The following SRRM4 variants were observed in gnomAD, a reference collection of about 807,000 sequenced individuals.
SRRM4 encodes serine/arginine repetitive matrix 4, also known as serine/arginine repetitive matrix protein 4.
SRRM4 carries 33 observed loss-of-function variants against 68.9 expected under a neutral mutation model. The observed-to-expected ratio is 0.48, with a 90% CI of 0.36 to 0.64. The LOEUF is 0.64. Ranked by LOEUF, SRRM4 falls within the 30% of genes least tolerant of loss-of-function variation. The pLI, the probability that SRRM4 is intolerant of heterozygous loss-of-function variation, is 0.00. For missense variants in SRRM4, 817 were observed against 827.1 expected (o/e 0.99, Z 0.15); for synonymous variants, 318 against 318.8 (o/e 1.00, Z 0.03).
intron 1 of SRRM4, among the ~76,000 whole-genome samples, chr12:119,067,695 G>A (rs867527169): frequency 1.4e-4 from 22 of 151,900 alleles, no homozygotes; most frequent in Non-Finnish European, 2.5e-4. Context: ...GTGACATAAC[G>A]AGATTTCATT....
At chr12:119,105,882 A>ATGAAGTCCTTGCCCATGCCTATGTCC (rs1954105024) in intron 2 of SRRM4, among the ~76,000 whole-genome samples, 1 of 152,196 alleles carries the variant, frequency 6.6e-6, no homozygotes, top group Non-Finnish European at 1.5e-5. Context: ...TGTTTTAGTC[A>ATGAAGTCCTTGCCCATGCCTATGTCC]TGAAGTCCTT....
At chr12:119,099,492 C>T (rs1954065797) in intron 1 of SRRM4, among the ~76,000 whole-genome samples, 1 of 152,212 alleles carries the variant, frequency 6.6e-6, no homozygotes, top group Admixed American at 6.5e-5. Flanking sequence ...GCCTAGGGCA[C>T]ACTTCTCACT....
At chr12:119,075,178 A>G (rs1953900437) in intron 1 of SRRM4, among the ~76,000 whole-genome samples, 1 of 152,228 alleles carries the variant, frequency 6.6e-6, no homozygotes, top group African/African-American at 2.4e-5. Context: ...ACTTTGAATG[A>G]GGTTCATCAT....
At position 119,154,301 on chromosome 12, in the gene SRRM4, C is replaced by T; in HGVS notation, c.1450C>T (p.Arg484Cys). ...DSQQRERERA[R>C]RRRRSYSPMR... ...GCAGCAGCGGGAGCGCGAGCGAGCG[C>T]GTCGGAGACGTCGGTCCTACTCGCC... Residue 484 changes from arginine (R) to cysteine (C), a missense_variant, in exon 12 of 13, where the codon CGT becomes TGT. Physicochemically the swap from Arg to Cys is radical, Grantham distance 180. Coordinates refer to ENST00000267260, the MANE Select transcript of SRRM4 (RefSeq NM_194286.4). The surrounding 1 kb of genome is among the most constrained non-coding windows in gnomAD (Gnocchi z 4.7). 1.2e-6 allele frequency: 2 copies of T among 1,611,810 alleles called. No homozygotes were observed. The highest frequency in any genetic ancestry group is 1.7e-6 in the Non-Finnish European group (2 of 1,179,168).
chr12:119,027,784 A>C (rs1953558740), intron 1 of SRRM4, among the ~76,000 whole-genome samples: 1 of 152,240 alleles, frequency 6.6e-6, no homozygotes, highest in South Asian at 2.1e-4. Context: ...GTATGTAGAC[A>C]CATAAAGGAT....
chr12:119,143,733 A>G (rs1954382215), intron 8 of SRRM4, among the ~76,000 whole-genome samples: 1 of 152,214 alleles, frequency 6.6e-6, no homozygotes, highest in East Asian at 1.9e-4. Context: ...CCTGCAGGAG[A>G]ATGGATCCAT....
chr12:119,123,815 C>A (rs561349391), intron 6 of SRRM4, among the ~76,000 whole-genome samples: 1 of 152,168 alleles, frequency 6.6e-6, no homozygotes, highest in East Asian at 1.9e-4. Flanking sequence ...ACTGGCCTTG[C>A]GCTGGGCCCA....
chr12:119,154,146 G>A lies in SRRM4; in HGVS notation c.1392-97G>A. On this transcript the variant is annotated intron_variant, in intron 11 of 12. Coordinates refer to ENST00000267260, the MANE Select transcript of SRRM4 (RefSeq NM_194286.4). This position sits in a 1 kb window ranked among gnomAD's most constrained non-coding sequence, Gnocchi z 4.7. ...CGTGCAGACCCCATCCCGTGACCCAGTGGGGTGGGAAAGAAAGGGAGTGTC... is the reference window on the plus strand; with the variant it reads ...CGTGCAGACCCCATCCCGTGACCCAATGGGGTGGGAAAGAAAGGGAGTGTC... 1.7e-6 allele frequency: 2 copies of A among 1,170,574 alleles called. No individual in the cohort carries two copies. Among genetic ancestry groups the A allele is most frequent in the Non-Finnish European group, 2.4e-6 (2 of 817,678 alleles). The allele number at this position is 1,170,574 out of a possible 1,614,324, so 72.5% of individuals were successfully genotyped here. A position where few individuals can be genotyped will look rare whatever the true frequency, so the allele number is the denominator to read the frequency against.
chr12:119,093,633 T>C (rs1268126482), intron 1 of SRRM4, among the ~76,000 whole-genome samples: 1 of 152,188 alleles, frequency 6.6e-6, no homozygotes. Flanking sequence ...GGAGAGATGA[T>C]ATTCTTGCCC....
intron 6 of SRRM4, 133 bp from the exon 7 acceptor site, chr12:119,125,248 G>A: frequency 1.3e-6 from 1 of 753,990 alleles, no homozygotes; most frequent in Non-Finnish European, 2.2e-6. Flanking sequence ...TGGGGTTGAG[G>A]GAGATGGAGA....
intron 1 of SRRM4, among the ~76,000 whole-genome samples, chr12:119,037,573 A>G (rs1953638053): frequency 6.6e-6 from 1 of 152,168 alleles, no homozygotes; most frequent in Non-Finnish European, 1.5e-5. Context: ...ATCACATGGA[A>G]TTTCTTTGTG....
At chr12:119,114,244 A>T (rs1954163131) in intron 2 of SRRM4, 34 bp from the exon 3 acceptor site, 4 of 1,583,980 alleles carry the variant, frequency 2.5e-6, no homozygotes, top group Non-Finnish European at 3.5e-6. Context: ...GGGAACCATG[A>T]GTTATCTAAT....
At chr12:119,024,467 C>T (rs1005482442) in intron 1 of SRRM4, among the ~76,000 whole-genome samples, 5 of 152,250 alleles carry the variant, frequency 3.3e-5, no homozygotes, top group African/African-American at 1.2e-4. Context: ...CAAGCCCCCT[C>T]GGCTGGGCCC....
At chr12:119,000,224 G>A (rs1389759580) in intron 1 of SRRM4, among the ~76,000 whole-genome samples, 1 of 152,118 alleles carries the variant, frequency 6.6e-6, no homozygotes. Context: ...AAAGAGCCGG[G>A]CACACCTCAC....
Position 119,154,447 on chromosome 12 carries a change from C to G in SRRM4, c.1532+64C>G. 1 of 1,574,236 alleles carries G rather than the reference C, an allele frequency of 6.4e-7. No individual in the cohort carries two copies. The highest frequency in any genetic ancestry group is 1.1e-5 in the South Asian group (1 of 87,288). ...GTTCCCACTCCCATTCTTACTCATTCGAGCCTCAGGCTCTCCCTAGGCCTC... is the reference window on the plus strand; with the variant it reads ...GTTCCCACTCCCATTCTTACTCATTGGAGCCTCAGGCTCTCCCTAGGCCTC... On this transcript the variant is annotated intron_variant, in intron 12 of 12. Coordinates refer to ENST00000267260, the MANE Select transcript of SRRM4 (RefSeq NM_194286.4). The surrounding 1 kb of genome is among the most constrained non-coding windows in gnomAD (Gnocchi z 4.7).
intron 1 of SRRM4, among the ~76,000 whole-genome samples, chr12:119,080,374 A>G (rs1953940766): frequency 6.6e-6 from 1 of 152,202 alleles, no homozygotes; most frequent in African/African-American, 2.4e-5. Context: ...TATTGCACTT[A>G]GAACAATGAC....
intron 1 of SRRM4, among the ~76,000 whole-genome samples, chr12:119,064,242 C>T (rs1953832085): frequency 6.6e-6 from 1 of 152,190 alleles, no homozygotes; most frequent in African/African-American, 2.4e-5. Flanking sequence ...ATCCTGGTAA[C>T]TACGTGCTTA....
intron 1 of SRRM4, among the ~76,000 whole-genome samples, chr12:118,987,084 G>A (rs1953287261): frequency 6.6e-6 from 1 of 152,092 alleles, no homozygotes; most frequent in Admixed American, 6.5e-5. Context: ...AAGAGTTTGA[G>A]CTCTGAAGTC....
intron 1 of SRRM4, among the ~76,000 whole-genome samples, chr12:119,017,445 G>A (rs544760404): frequency 1.0e-3 from 158 of 152,310 alleles, no homozygotes; most frequent in African/African-American, 3.4e-3. Context: ...AAGACTGTGG[G>A]CTTGTGTGTC....
Sources: allele counts gnomAD v4.1 joint callset (sites outside exome capture counted in the v4.1 genomes callset), GRCh38; gene constraint gnomAD v4.1.1; non-coding constraint Gnocchi (gnomAD v3.1); transcripts MANE v1.5; gene names NCBI Gene and HGNC (gene_info 2026-07-23, HGNC 2026-07-21).